Variants in NSMCE2 observed in about 807,000 individuals in gnomAD.
NSMCE2 encodes the protein NSE2 SUMO ligase component of SMC5/6 complex.
A neutral mutation model predicts 23.8 loss-of-function variants in NSMCE2; 24 were observed. That is an observed-to-expected ratio of 1.01 (90% CI 0.73 to 1.42). The LOEUF is 1.42. NSMCE2 is among the 40% of genes most tolerant of loss of function. The pLI, the probability that NSMCE2 is intolerant of heterozygous loss-of-function variation, is 0.00. For missense variants in NSMCE2, 284 were observed against 296.5 expected (o/e 0.96, Z 0.31); for synonymous variants, 92 against 94.1 (o/e 0.98, Z 0.13).
intron 7 of NSMCE2, among the ~76,000 whole-genome samples, chr8:125,365,823 C>T (rs796258636): frequency 9.5e-4 from 145 of 152,224 alleles, no homozygotes; most frequent in African/African-American, 3.4e-3. Context: ...CGCCACTGCA[C>T]CCCAGCCTGG....
Position 125,102,437 on chromosome 8 carries a change from C to T in NSMCE2, c.107C>T (p.Ser36Phe). Residue 36 changes from serine (S) to phenylalanine (F), a missense_variant, in exon 3 of 8, where the codon TCT (serine) becomes TTT (phenylalanine). Ser to Phe is a radical substitution (Grantham distance 155). Transcript: ENST00000287437. Reference protein sequence around the residue: ...SLKNFQACINSGMDTASSVAL... With the variant: ...SLKNFQACINFGMDTASSVAL... Reference sequence around the variant, plus strand: ...AAAAACTTCCAAGCCTGTATCAACTCTGGTATGGACACAGCTTCTAGTGTT... The same window carrying T: ...AAAAACTTCCAAGCCTGTATCAACTTTGGTATGGACACAGCTTCTAGTGTT... The T allele has an allele frequency of 6.2e-7, 1 of 1,613,910 alleles. No individual in the cohort carries two copies. The highest frequency in any genetic ancestry group is 8.5e-7 in the Non-Finnish European group (1 of 1,179,808).
chr8:125,256,251 C>T (rs1244665736), intron 5 of NSMCE2, among the ~76,000 whole-genome samples: 1 of 150,620 alleles, frequency 6.6e-6, no homozygotes, highest in Non-Finnish European at 1.5e-5. Flanking sequence ...CCACTGCACT[C>T]CAGCTTGGGG....
intron 5 of NSMCE2, among the ~76,000 whole-genome samples, chr8:125,353,231 G>A (rs1813112408): frequency 6.6e-6 from 1 of 152,202 alleles, no homozygotes; most frequent in African/African-American, 2.4e-5. Context: ...TCAGAAACCA[G>A]CATCAGTTCA....
intron 5 of NSMCE2, among the ~76,000 whole-genome samples, chr8:125,222,451 C>T (rs978333575): frequency 2.0e-5 from 3 of 152,066 alleles, no homozygotes; most frequent in Admixed American, 2.0e-4. Flanking sequence ...TGCAATAGAT[C>T]ACTAAAACTT....
intron 3 of NSMCE2, among the ~76,000 whole-genome samples, chr8:125,119,278 C>T (rs1383123429): frequency 2.6e-5 from 4 of 152,154 alleles, no homozygotes; most frequent in Non-Finnish European, 5.9e-5. Flanking sequence ...CACATGATGG[C>T]GTGTGTGGAA....
intron 5 of NSMCE2, among the ~76,000 whole-genome samples, chr8:125,254,365 T>C (rs1398205102): frequency 2.0e-5 from 3 of 152,112 alleles, no homozygotes; most frequent in African/African-American, 7.2e-5. Context: ...TGAATTACAA[T>C]GGTAGCTGTA....
At chr8:125,155,482 T>C (rs1421221393) in intron 4 of NSMCE2, among the ~76,000 whole-genome samples, 2 of 152,206 alleles carry the variant, frequency 1.3e-5, no homozygotes, top group Non-Finnish European at 2.9e-5. Flanking sequence ...TAACCTAAGA[T>C]TGGTCAGTGA....
At chr8:125,113,913 T>C (rs1818878773) in intron 3 of NSMCE2, among the ~76,000 whole-genome samples, 3 of 152,184 alleles carry the variant, frequency 2.0e-5, no homozygotes, top group African/African-American at 4.8e-5. Flanking sequence ...AGAGGAGTAG[T>C]GTGACAACTA....
Position 125,357,285 on chromosome 8 carries a change from A to G in NSMCE2, c.485A>G (p.Gln162Arg), listed in dbSNP as rs1813322719. ...GTGGATGAAGATATAATTGTGACCC[A>G]AAGTCAGACCAACTTCACCTGCCCC... ...EGVDEDIIVT[Q>R]SQTNFTCPIT... The change falls in exon 6 of 8, where the codon CAA becomes CGA. Residue 162 changes from glutamine to arginine, a missense_variant. Transcript: ENST00000287437. 1 of 1,613,310 alleles carries G rather than the reference A, an allele frequency of 6.2e-7. No homozygotes were observed. Among genetic ancestry groups the G allele is most frequent in the Admixed American group, 1.7e-5 (1 of 60,004 alleles).
Position 125,227,467 on chromosome 8 carries a change from G to A in NSMCE2, c.418+45211G>A, listed in dbSNP as rs530181019. On this transcript the variant is annotated intron_variant, in intron 5 of 7. Transcript: ENST00000287437. ...TGCCTTACCGAATAACGAATCAAAT[G>A]TTTCTTTCCTTTACTTTCTGTTTAG... Among the ~76,000 whole-genome samples the A allele has an allele frequency of 2.0e-5, 3 of 152,270 alleles. No homozygotes were observed. In the East Asian group the frequency reaches 5.8e-4, roughly 29 times the overall value.
At chr8:125,343,838 T>TA (rs953676839) in intron 5 of NSMCE2, among the ~76,000 whole-genome samples, 17 of 150,514 alleles carry the variant, frequency 1.1e-4, no homozygotes, top group Middle Eastern at 3.2e-3. Flanking sequence ...CACTAAAAAA[T>TA]AAGAAAAATA....
At chr8:125,118,928 T>G (rs543060792) in intron 3 of NSMCE2, among the ~76,000 whole-genome samples, 42 of 152,360 alleles carry the variant, frequency 2.8e-4, no homozygotes, top group African/African-American at 9.9e-4. Context: ...GATCTTGATT[T>G]TGTTATCGAT....
intron 5 of NSMCE2, among the ~76,000 whole-genome samples, chr8:125,194,129 A>G (rs979762871): frequency 6.6e-6 from 1 of 152,184 alleles, no homozygotes; most frequent in Non-Finnish European, 1.5e-5. Flanking sequence ...ACAACAACTT[A>G]GTGTGGTAGG....
At chr8:125,142,335 G>A (rs1369348044) in intron 3 of NSMCE2, among the ~76,000 whole-genome samples, 2 of 152,140 alleles carry the variant, frequency 1.3e-5, no homozygotes. Flanking sequence ...TAGCTAGCAT[G>A]TAATTTCATA....
At chr8:125,297,126 A>G (rs945108395) in intron 5 of NSMCE2, among the ~76,000 whole-genome samples, 1 of 152,202 alleles carries the variant, frequency 6.6e-6, no homozygotes, top group Admixed American at 6.5e-5. Flanking sequence ...CATCTCTGTC[A>G]TAATCACACA....
chr8:125,217,157 C>G (rs930044729), intron 5 of NSMCE2, among the ~76,000 whole-genome samples: 29 of 152,032 alleles, frequency 1.9e-4, no homozygotes, highest in Non-Finnish European at 2.9e-5. Context: ...CCAAGCTACC[C>G]CTTTGATAGT....
At chr8:125,099,713 T>A in intron 1 of NSMCE2, among the ~76,000 whole-genome samples, 1 of 152,000 alleles carries the variant, frequency 6.6e-6, no homozygotes, top group East Asian at 1.9e-4. Context: ...AGTGGAGTGA[T>A]AGAGATGGAA....
At chr8:125,115,299 A>G (rs984682443) in intron 3 of NSMCE2, among the ~76,000 whole-genome samples, 1 of 152,180 alleles carries the variant, frequency 6.6e-6, no homozygotes, top group Non-Finnish European at 1.5e-5. Context: ...CATATCTGAC[A>G]TTGAAGCAAA....
chr8:125,153,951 A>G (rs1215155897), intron 4 of NSMCE2, among the ~76,000 whole-genome samples: 1 of 152,186 alleles, frequency 6.6e-6, no homozygotes. Context: ...CTGGAATTCA[A>G]GAGTCATATA....
Sources: allele counts gnomAD v4.1 joint callset (sites outside exome capture counted in the v4.1 genomes callset), GRCh38; gene constraint gnomAD v4.1.1; transcripts MANE v1.5; gene names NCBI Gene and HGNC (gene_info 2026-07-23, HGNC 2026-07-21).